The following CDKL4 variants were observed in gnomAD, a reference collection of about 807,000 sequenced individuals.
CDKL4 encodes cyclin-dependent kinase-like 4.
Under a neutral mutation model 42.0 loss-of-function variants are expected in CDKL4, and 44 were observed. The ratio of observed to expected loss-of-function variants is 1.05; its 90% CI spans 0.82 to 1.35. The LOEUF (loss-of-function observed/expected upper bound fraction) is 1.35, where lower values mean the gene tolerates loss of function less well. Among genes scored for constraint, CDKL4 ranks in the 40% most tolerant of loss-of-function variants. The pLI is 0.00. For missense variants in CDKL4, 393 were observed against 369.9 expected (o/e 1.06, Z -0.51); for synonymous variants, 120 against 121.6 (o/e 0.99, Z 0.09).
intron 4 of CDKL4, among the ~76,000 whole-genome samples, chr2:39,209,174 A>G (rs921289692): frequency 6.6e-6 from 1 of 151,816 alleles, no homozygotes; most frequent in Non-Finnish European, 1.5e-5. Flanking sequence ...TTAGCCATGC[A>G]TGATAGCATG....
downstream of CDKL4, among the ~76,000 whole-genome samples, chr2:39,173,592 G>C (rs1022849703): frequency 3.3e-5 from 5 of 151,774 alleles, no homozygotes; most frequent in Non-Finnish European, 7.4e-5. Context: ...GGCGGATCAC[G>C]AGGTCAGAAG....
At chr2:39,235,266 G>A (rs553091107) in intron 1 of CDKL4, among the ~76,000 whole-genome samples, 29 of 152,096 alleles carry the variant, frequency 1.9e-4, no homozygotes, top group Non-Finnish European at 3.7e-4. Context: ...CCAATCAAGA[G>A]TTGACTGGAA....
At position 39,200,310 on chromosome 2, in the gene CDKL4, T is replaced by C. The variant is rs141248592; in HGVS notation, c.454+4217A>G. Among the ~76,000 whole-genome samples, 618 of 152,196 alleles carry C rather than the reference T, an allele frequency of 4.1e-3. 38 individuals carry two copies. The East Asian group carries it at 0.11, about 26-fold the overall frequency. On this transcript the variant is annotated intron_variant, in intron 5 of 9. Transcript: ENST00000451199. ...GGTGAAAGACCTCTACAAGGAAAAC[T>C]ACAAAACATTGCTGAAAGAAATCAT...
intron 3 of CDKL4, among the ~76,000 whole-genome samples, chr2:39,217,958 C>G (rs1025990350): frequency 3.3e-5 from 5 of 152,086 alleles, no homozygotes; most frequent in Non-Finnish European, 5.9e-5. Context: ...GTCTTGAACT[C>G]CTGACCTCAG....
chr2:39,201,605 T>C (rs1437915252), intron 5 of CDKL4, among the ~76,000 whole-genome samples: 2 of 152,270 alleles, frequency 1.3e-5, no homozygotes, highest in East Asian at 3.9e-4. Flanking sequence ...AAAGAAAATG[T>C]GGTATATATA....
chr2:39,193,305 A>G (rs1440605515), intron 5 of CDKL4, among the ~76,000 whole-genome samples: 1 of 150,052 alleles, frequency 6.7e-6, no homozygotes, highest in Non-Finnish European at 1.5e-5. Flanking sequence ...CTTTAGGATG[A>G]TTTTCTATGA....
rs943126620 is a variant in CDKL4 at position 39,179,400 on chromosome 2, G to C, written c.793-79C>G. 32 of 1,162,218 alleles carry C rather than the reference G, an allele frequency of 2.8e-5. No individual in the cohort carries two copies. In the South Asian group the frequency reaches 5.4e-4, roughly 19 times the overall value. 72.0% of individuals were successfully genotyped at this position (1,162,218 alleles called of 1,614,324 possible). On this transcript the variant is annotated intron_variant, in intron 8 of 9. Coordinates refer to ENST00000451199, the Ensembl canonical transcript of CDKL4. ...ACCGTGCCCACAAACTGAATAACTT[G>C]CTAGGATAAATATGAGTTTAGAAAA...
intron 9 of CDKL4, chr2:39,178,504 T>A (rs1243211596): frequency 4.0e-6 from 6 of 1,508,112 alleles, no homozygotes; most frequent in Non-Finnish European, 5.4e-6. Flanking sequence ...GTTTACAAGG[T>A]GAGAAAAAGC....
At chr2:39,215,139 T>C (rs1404145191) in intron 3 of CDKL4, among the ~76,000 whole-genome samples, 5 of 152,210 alleles carry the variant, frequency 3.3e-5, no homozygotes, top group Non-Finnish European at 7.3e-5. Flanking sequence ...TGTCTCCTCA[T>C]TGTCTTGCCA....
intron 7 of CDKL4, among the ~76,000 whole-genome samples, chr2:39,185,161 CATATGTATATATAT>C: frequency 7.6e-6 from 1 of 131,758 alleles, no homozygotes; most frequent in African/African-American, 2.9e-5. Context: ...TATATATACA[CATATGTATATATAT>C]ACATATGTGT....
chr2:39,175,372 T>C (rs781234328), downstream of CDKL4, among the ~76,000 whole-genome samples: 1 of 152,218 alleles, frequency 6.6e-6, no homozygotes, highest in Non-Finnish European at 1.5e-5. Flanking sequence ...TTGCTATGTA[T>C]TGGAATTTGT....
chr2:39,191,741 C>T (rs569892333), intron 5 of CDKL4, among the ~76,000 whole-genome samples: 39 of 152,344 alleles, frequency 2.6e-4, no homozygotes, highest in African/African-American at 8.7e-4. Context: ...CCCAGCCCTG[C>T]CCTATGCCAC....
chr2:39,240,222 C>T (rs965268893), intron 1 of CDKL4, among the ~76,000 whole-genome samples: 7 of 151,228 alleles, frequency 4.6e-5, no homozygotes, highest in African/African-American at 7.3e-5. Context: ...CCAGCCTGGC[C>T]AACATGGTGA....
chr2:39,201,845 G>A (rs1676872052), intron 5 of CDKL4, among the ~76,000 whole-genome samples: 1 of 152,176 alleles, frequency 6.6e-6, no homozygotes. Flanking sequence ...AAAGGGTCGG[G>A]CGGCGGGTGA....
At chr2:39,241,579 C>A (rs1441054005) in intron 1 of CDKL4, among the ~76,000 whole-genome samples, 1 of 152,152 alleles carries the variant, frequency 6.6e-6, no homozygotes. Context: ...CCCCAATTTA[C>A]CTTGCCAGCA....
At chr2:39,244,886 A>G (rs976713583), upstream of CDKL4, among the ~76,000 whole-genome samples, 7 of 151,784 alleles carry the variant, frequency 4.6e-5, no homozygotes, top group African/African-American at 1.5e-4. Context: ...ACCAGTCGAC[A>G]CTCTGTATCT....
At chr2:39,240,420 CAAAA>C (rs1186226288) in intron 1 of CDKL4, among the ~76,000 whole-genome samples, 3 of 84,192 alleles carry the variant, frequency 3.6e-5, no homozygotes, top group Admixed American at 1.2e-4. Flanking sequence ...GACTTCGTCT[CAAAA>C]AAAAAAAAAA....
chr2:39,192,530 TAAA>T (rs200118984), intron 5 of CDKL4, among the ~76,000 whole-genome samples: 1 of 52,350 alleles, frequency 1.9e-5, no homozygotes, highest in African/African-American at 3.4e-5. Flanking sequence ...CTGGTTAATT[TAAA>T]AAAAAATTTT....
intron 4 of CDKL4, among the ~76,000 whole-genome samples, chr2:39,204,857 T>C (rs1292507887): frequency 3.9e-5 from 6 of 152,004 alleles, no homozygotes; most frequent in African/African-American, 1.4e-4. Context: ...TAATTGTATA[T>C]AAAAACTGTC....
Sources: allele counts gnomAD v4.1 joint callset (sites outside exome capture counted in the v4.1 genomes callset), GRCh38; gene constraint gnomAD v4.1.1; transcripts MANE v1.5; gene names NCBI Gene and HGNC (gene_info 2026-07-23, HGNC 2026-07-21).